Variants in RASGRF2 observed in about 807,000 individuals in gnomAD.
The protein encoded by RASGRF2 is Ras protein specific guanine nucleotide releasing factor 2, also known as ras-specific guanine nucleotide-releasing factor 2.
RASGRF2 carries 76 observed loss-of-function variants against 151.0 expected under a neutral mutation model. The ratio of observed to expected loss-of-function variants is 0.50; its 90% CI spans 0.42 to 0.61. The LOEUF (loss-of-function observed/expected upper bound fraction) is 0.61. RASGRF2 is among the 20% of genes least tolerant of loss of function. The pLI is 0.00. For missense variants in RASGRF2, 1,148 were observed against 1,564.6 expected, an observed-to-expected ratio of 0.73 and a Z score of 4.49; for synonymous variants, 504 against 566.5, an observed-to-expected ratio of 0.89 and a Z score of 1.57.
At chr5:81,025,777 G>T (rs566459844) in intron 1 of RASGRF2, among the ~76,000 whole-genome samples, 2 of 152,268 alleles carry the variant, frequency 1.3e-5, no homozygotes, top group Admixed American at 1.3e-4. Flanking sequence ...ATGGACTGCT[G>T]CTGTCACTGT....
At chr5:81,217,213 T>C (rs1010668730) in intron 24 of RASGRF2, 143 bp from the exon 25 acceptor site, 4 of 1,249,736 alleles carry the variant, frequency 3.2e-6, no homozygotes, top group African/African-American at 1.5e-5. Flanking sequence ...CTGCGTATTA[T>C]GAATATGCTT....
At chr5:81,024,960 C>T (rs1489969196) in intron 1 of RASGRF2, among the ~76,000 whole-genome samples, 2 of 152,210 alleles carry the variant, frequency 1.3e-5, no homozygotes, top group Non-Finnish European at 2.9e-5. Flanking sequence ...GCTTCCTGGG[C>T]TGCTCTGACT....
intron 23 of RASGRF2, among the ~76,000 whole-genome samples, chr5:81,214,358 C>A (rs1313256992): frequency 6.6e-6 from 1 of 152,212 alleles, no homozygotes; most frequent in Non-Finnish European, 1.5e-5. Flanking sequence ...AAGCGCCTTA[C>A]TCCAGTCATG....
At chr5:81,102,617 C>T (rs1752726925) in intron 12 of RASGRF2, among the ~76,000 whole-genome samples, 1 of 151,696 alleles carries the variant, frequency 6.6e-6, no homozygotes, top group African/African-American at 2.4e-5. Flanking sequence ...ATCACTTGAG[C>T]CCAGGATGTG....
chr5:80,996,307 T>TTC (rs199544798), intron 1 of RASGRF2, among the ~76,000 whole-genome samples: 190 of 151,126 alleles, frequency 1.3e-3, no homozygotes, highest in African/African-American at 3.6e-3. Context: ...TATTTTGCTA[T>TTC]TCTCTCTCTC....
chr5:81,183,563 G>T (rs936593732), intron 18 of RASGRF2, among the ~76,000 whole-genome samples: 2 of 152,204 alleles, frequency 1.3e-5, no homozygotes, highest in Admixed American at 6.5e-5. Flanking sequence ...ATCTTCCTAT[G>T]TGAATACATT....
At chr5:81,068,264 C>A in intron 3 of RASGRF2, 85 bp downstream of exon 3, 6 of 1,459,524 alleles carry the variant, frequency 4.1e-6, no homozygotes, top group Non-Finnish European at 5.5e-6. Context: ...TTCAGGGCAA[C>A]ATTTTAATCC....
chr5:80,964,415 T>C (rs1747660873), intron 1 of RASGRF2, among the ~76,000 whole-genome samples: 1 of 152,180 alleles, frequency 6.6e-6, no homozygotes, highest in East Asian at 1.9e-4. Flanking sequence ...TGGTAGGCTC[T>C]GTGCTCTTGG....
In RASGRF2 at chr5:81,073,210, C is replaced by T. The variant is rs1422702982; in HGVS notation, c.645C>T (p.Phe215=). The stretch of plus-strand genomic sequence containing the variant: ...TTTTTGTTCTGTAGGTTCAGAGCTT[C>T]ATGCGAGGATGGTTGTGCAGAAGGA... The part of the protein sequence containing the change: ...DIKKIKKVQS[F]MRGWLCRRKW... Residue 215 remains phenylalanine (F), a synonymous_variant, in exon 5 of 27, where the codon TTC becomes TTT. Coordinates refer to ENST00000265080, the MANE Select transcript of RASGRF2 (RefSeq NM_006909.3). 6.2e-7 allele frequency: 1 copy of T among 1,613,752 alleles called. No homozygotes were observed. The highest frequency in any genetic ancestry group is 2.2e-5 in the East Asian group (1 of 44,880).
chr5:81,217,533 C>A, intron 25 of RASGRF2, 60 bp downstream of exon 25: 1 of 1,063,444 alleles, frequency 9.4e-7, no homozygotes, highest in Non-Finnish European at 1.3e-6. Flanking sequence ...AGAGAAGAGG[C>A]TAAGTAATAA....
intron 2 of RASGRF2, among the ~76,000 whole-genome samples, chr5:81,043,418 C>A (rs1750739815): frequency 6.6e-6 from 1 of 152,156 alleles, no homozygotes; most frequent in African/African-American, 2.4e-5. Flanking sequence ...TGGGATATGG[C>A]CCTAGCCTAG....
rs1022575251 is a variant in RASGRF2, at chr5:81,037,547, G to A, written c.289-5330G>A. Among the ~76,000 whole-genome samples the A allele has an allele frequency of 4.6e-5, 7 of 151,676 alleles. No individual in the cohort carries two copies. The East Asian group carries it at 1.4e-3, about 29-fold the overall frequency. ...CCTTTGTGTGGATCTTTAGTTATTTGTTTTAAATTTATTGCACAATGTTAA... is the reference window on the plus strand; with the variant it reads ...CCTTTGTGTGGATCTTTAGTTATTTATTTTAAATTTATTGCACAATGTTAA... On this transcript the variant is annotated intron_variant, in intron 1 of 26. Coordinates refer to ENST00000265080, the MANE Select transcript of RASGRF2 (RefSeq NM_006909.3).
At position 81,127,400 on chromosome 5, in the gene RASGRF2, G is replaced by C. The variant is rs147879256; in HGVS notation, c.2686+237G>C. ...TAGCTGGGCATGGTGTTGCATGCCTGTAGTCCCAGTTACTCAAGACGCTGA... is the reference window on the plus strand; with the variant it reads ...TAGCTGGGCATGGTGTTGCATGCCTCTAGTCCCAGTTACTCAAGACGCTGA... On this transcript the variant is annotated intron_variant, in intron 17 of 26. Coordinates refer to ENST00000265080, the MANE Select transcript of RASGRF2 (RefSeq NM_006909.3). 4.2e-3 allele frequency among the ~76,000 whole-genome samples: 643 copies of C among 152,210 alleles called. 1 individual carries two copies. The highest frequency in any genetic ancestry group is 7.3e-3 in the Non-Finnish European group (497 of 68,018).
intron 2 of RASGRF2, among the ~76,000 whole-genome samples, chr5:81,056,914 G>A (rs938907130): frequency 9.9e-4 from 150 of 152,080 alleles, no homozygotes; most frequent in African/African-American, 2.9e-3. Context: ...ATCTTTGTTG[G>A]TTTAAAGTCT....
At chr5:81,178,250 A>G (rs1419817138) in intron 17 of RASGRF2, among the ~76,000 whole-genome samples, 1 of 152,310 alleles carries the variant, frequency 6.6e-6, no homozygotes, top group Non-Finnish European at 1.5e-5. Flanking sequence ...TTTATATAGC[A>G]GATAAAATTA....
chr5:81,179,236 A>G (rs1291396255), intron 17 of RASGRF2, among the ~76,000 whole-genome samples: 1 of 152,240 alleles, frequency 6.6e-6, no homozygotes, highest in Admixed American at 6.5e-5. Context: ...ACTCAAAGAC[A>G]GTGAATCAAG....
intron 17 of RASGRF2, among the ~76,000 whole-genome samples, chr5:81,165,890 C>A (rs1439986025): frequency 2.2e-5 from 2 of 90,418 alleles, no homozygotes; most frequent in Non-Finnish European, 4.4e-5. Context: ...TATTCCAACA[C>A]ACCAGGCCAG....
chr5:81,145,318 A>T (rs1479939049), intron 17 of RASGRF2, among the ~76,000 whole-genome samples: 1 of 100,510 alleles, frequency 9.9e-6, no homozygotes, highest in East Asian at 4.5e-4. Flanking sequence ...CATATAAGGC[A>T]TAGCTGGAAC....
intron 4 of RASGRF2, among the ~76,000 whole-genome samples, chr5:81,072,300 GAGTTT>G (rs1327376156): frequency 6.6e-6 from 1 of 152,194 alleles, no homozygotes; most frequent in African/African-American, 2.4e-5. Flanking sequence ...GAGGTAGAGT[GAGTTT>G]AATGCCTGTA....
Sources: allele counts gnomAD v4.1 joint callset (sites outside exome capture counted in the v4.1 genomes callset), GRCh38; gene constraint gnomAD v4.1.1; transcripts MANE v1.5; gene names NCBI Gene and HGNC (gene_info 2026-07-23, HGNC 2026-07-21).